PROX1: variants seen among roughly 807,000 people sequenced by gnomAD.
PROX1 encodes the protein prospero homeobox protein 1.
PROX1 carries 7 observed loss-of-function variants against 58.8 expected under a neutral mutation model. That is an observed-to-expected ratio of 0.12 (90% confidence interval 0.07 to 0.22). The LOEUF is 0.22. Among genes scored for constraint, PROX1 ranks in the 10% least tolerant of loss-of-function variants. The pLI is 1.00. For missense variants in PROX1, 675 were observed against 927.8 expected (o/e 0.73, Z 3.54); for synonymous variants, 350 against 358.3 (o/e 0.98, Z 0.26).
At chr1:214,027,897 C>T (rs1664514526) in intron 4 of PROX1, among the ~76,000 whole-genome samples, 1 of 151,158 alleles carries the variant, frequency 6.6e-6, no homozygotes, top group East Asian at 1.9e-4. Flanking sequence ...ACTGTTATTG[C>T]CATGTGTTCC....
At chr1:214,017,968 C>A (rs1664153268) in intron 4 of PROX1, among the ~76,000 whole-genome samples, 1 of 152,216 alleles carries the variant, frequency 6.6e-6, no homozygotes, top group South Asian at 2.1e-4. Flanking sequence ...AGAGCAAGTT[C>A]TCTTCTGAGA....
In PROX1 at chr1:214,035,932, T is replaced by C; in HGVS notation, c.*98T>C. The C allele has an allele frequency of 1.0e-6, 1 of 1,003,496 alleles. No homozygotes were observed. Among genetic ancestry groups the C allele is most frequent in the Non-Finnish European group, 1.4e-6 (1 of 716,002 alleles). The allele number at this position is 1,003,496 out of a possible 1,614,324, so 62.2% of individuals were successfully genotyped here. A position where few individuals can be genotyped will look rare whatever the true frequency, so the allele number is the denominator to read the frequency against. ...GATTTTGATTTCATATATATGTGTA[T>C]GGGAGGCATGGATATGTTATGAAAT... On this transcript the variant is annotated 3_prime_UTR_variant, in exon 5 of 5. Coordinates refer to ENST00000366958, the MANE Select transcript of PROX1 (RefSeq NM_001270616.2).
At chr1:214,009,107 C>A (rs1663819699) in intron 3 of PROX1, among the ~76,000 whole-genome samples, 1 of 152,190 alleles carries the variant, frequency 6.6e-6, no homozygotes, top group Non-Finnish European at 1.5e-5. Context: ...AATGATGTAT[C>A]TCATTCCCTC....
chr1:214,010,866 G>A (rs892956230), intron 3 of PROX1, among the ~76,000 whole-genome samples: 14 of 152,144 alleles, frequency 9.2e-5, no homozygotes, highest in Non-Finnish European at 1.8e-4. Flanking sequence ...CTTATCCAAT[G>A]CTGGCTTCAG....
upstream of PROX1, chr1:213,984,490 G>C (rs1368011090): frequency 6.6e-6 from 1 of 152,306 alleles, no homozygotes; most frequent in Non-Finnish European, 1.5e-5. Flanking sequence ...AGGCTTCTAA[G>C]CAGTGGGGTT....
rs1215708185 is a variant in PROX1, at chr1:214,040,365, C to A, written c.*4531C>A. On this transcript the variant is annotated 3_prime_UTR_variant, in exon 5 of 5. Transcript: ENST00000366958. ...AGCCTTCTCTCAAATCTGACACCCC[C>A]TCAGAATGCACAAACATAAGCAGAA... is the stretch of plus-strand genomic sequence containing the variant. 1 of 152,182 alleles carries A rather than the reference C, an allele frequency of 6.6e-6. No homozygotes were observed. Among genetic ancestry groups the A allele is most frequent in the Non-Finnish European group, 1.5e-5 (1 of 68,022 alleles). The allele number at this position is 152,182 out of a possible 1,614,324, so 9.4% of individuals were successfully genotyped here. A position where few individuals can be genotyped will look rare whatever the true frequency, so the allele number is the denominator to read the frequency against.
Position 214,035,928 on chromosome 1 carries a change from T to C in PROX1, c.*94T>C. The C allele has an allele frequency of 9.5e-7, 1 of 1,056,162 alleles. No homozygotes were observed. The highest frequency in any genetic ancestry group is 1.3e-6 in the Non-Finnish European group (1 of 757,692). The allele number at this position is 1,056,162 out of a possible 1,614,324, so 65.4% of individuals were successfully genotyped here. ...TCTAGATTTTGATTTCATATATATG[T>C]GTATGGGAGGCATGGATATGTTATG... On this transcript the variant is annotated 3_prime_UTR_variant, in exon 5 of 5. Coordinates refer to ENST00000366958, the MANE Select transcript of PROX1 (RefSeq NM_001270616.2).
chr1:214,031,066 TGC>T lies in PROX1; in HGVS notation c.2029-4572_2029-4571del, dbSNP rs1227672820. Among the ~76,000 whole-genome samples, 56 of 95,134 alleles carry T rather than the reference TGC, an allele frequency of 5.9e-4. No individual in the cohort carries two copies. The South Asian group carries it at 6.4e-3, about 11-fold the overall frequency. The allele number at this position is 95,134 out of a possible 152,430, so 62.4% of individuals were successfully genotyped here. On this transcript the variant is annotated intron_variant, in intron 4 of 4. Coordinates refer to ENST00000366958, the MANE Select transcript of PROX1 (RefSeq NM_001270616.2). ...GTGTGTGTGTGTGTGTGTGTGTGTG[TGC>T]GCGCGCGCGCATTCGCGCACGCACA...
upstream of PROX1, chr1:213,987,391 AT>A (rs1662849152): frequency 1.3e-5 from 2 of 151,354 alleles, no homozygotes; most frequent in Non-Finnish European, 2.9e-5. Flanking sequence ...AAGTGGAATG[AT>A]TTGCAGATCC....
At chr1:214,035,584 C>T in intron 4 of PROX1, 65 bp from the exon 5 acceptor site, 1 of 1,479,012 alleles carries the variant, frequency 6.8e-7, no homozygotes, top group East Asian at 2.3e-5. Flanking sequence ...GCTCAGTTTC[C>T]TTGGAATAAC....
chr1:213,997,651 G>C lies in PROX1; in HGVS notation c.1116G>C (p.Ser372=). ...TGGACACTGTGGTCAAAGTCTTTTC[G>C]GCCAAGCCCTCCCGCCAGGTTCCTC... is the stretch of plus-strand genomic sequence containing the variant. ...QVVDTVVKVF[S]AKPSRQVPQV... The change falls in exon 2 of 5, where the codon TCG becomes TCC. Residue 372 remains serine (S), a synonymous_variant. Transcript: ENST00000366958. This position sits in a 1 kb window ranked among gnomAD's most constrained non-coding sequence, Gnocchi z 7.1. 1.9e-6 allele frequency: 3 copies of C among 1,614,102 alleles called. No individual in the cohort carries two copies. Among genetic ancestry groups the C allele is most frequent in the Non-Finnish European group, 2.5e-6 (3 of 1,180,018 alleles).
rs1479778214 is a variant in PROX1, at chr1:214,039,755, CATTT to C, written c.*3923_*3926del. 1 of 151,934 alleles carries C rather than the reference CATTT, an allele frequency of 6.6e-6. No individual in the cohort carries two copies. The highest frequency in any genetic ancestry group is 1.9e-4 in the East Asian group (1 of 5,196). The allele number at this position is 151,934 out of a possible 1,614,324, so 9.4% of individuals were successfully genotyped here. Reference sequence around the variant, plus strand: ...ATTTCTTTTTCTATGTACATGAAGACATTTAGTAAGTAACACCCCCCCTTCCCAT... The same window carrying C: ...ATTTCTTTTTCTATGTACATGAAGACAGTAAGTAACACCCCCCCTTCCCAT... On this transcript the variant is annotated 3_prime_UTR_variant, in exon 5 of 5. Coordinates refer to ENST00000366958, the MANE Select transcript of PROX1 (RefSeq NM_001270616.2).
Position 213,997,127 on chromosome 1 carries a change from G to A in PROX1, c.592G>A (p.Val198Met). The change falls in exon 2 of 5, where the codon GTG (valine) becomes ATG (methionine). Residue 198 changes from valine to methionine, a missense_variant. Physicochemically the swap from Val to Met is conservative, Grantham distance 21 (BLOSUM62 1). This residue lies in a region of PROX1 where 403 missense variants were observed against 477.4 expected (regional missense o/e 0.84). Transcript: ENST00000366958. This position sits in a 1 kb window ranked among gnomAD's most constrained non-coding sequence, Gnocchi z 7.1. ...TGAAAGAGAGATGGCCCCGCAGTCTGTGAGTCCCCGAGAAAGTTACAGAGA... is the reference window on the plus strand; with the variant it reads ...TGAAAGAGAGATGGCCCCGCAGTCTATGAGTCCCCGAGAAAGTTACAGAGA... ...ENEREMAPQSVSPRESYRENK... is the reference protein window; with the variant it reads ...ENEREMAPQSMSPRESYRENK... The A allele has an allele frequency of 1.2e-6, 2 of 1,613,630 alleles. No individual in the cohort carries two copies. The highest frequency in any genetic ancestry group is 8.5e-7 in the Non-Finnish European group (1 of 1,179,868).
rs369633751 is a variant in PROX1, at chr1:213,997,873, C to T, written c.1338C>T (p.Asn446=). ...TEALPLVVRK[N]SSDQSASGPA... is the part of the protein sequence containing the mutation. ...CACTGCCCCTGGTTGTCCGCAAAAA[C>T]TCCTCTGACCAGTCTGCCTCCGGCC... The change falls in exon 2 of 5, where the codon AAC becomes AAT. Residue 446 remains asparagine, a synonymous_variant. Transcript: ENST00000366958. This position sits in a 1 kb window ranked among gnomAD's most constrained non-coding sequence, Gnocchi z 7.1. 75 of 1,612,654 alleles carry T rather than the reference C, an allele frequency of 4.7e-5. No individual in the cohort carries two copies. The East Asian group carries it at 1.2e-3, about 26-fold the overall frequency.
intron 4 of PROX1, among the ~76,000 whole-genome samples, chr1:214,031,722 A>G (rs908844458): frequency 6.6e-6 from 1 of 152,198 alleles, no homozygotes; most frequent in African/African-American, 2.4e-5. Context: ...CATCATTCTG[A>G]TAAGACTGGT....
intron 1 of PROX1, among the ~76,000 whole-genome samples, chr1:213,994,736 T>C (rs548819801): frequency 1.6e-5 from 2 of 127,814 alleles, no homozygotes; most frequent in Non-Finnish European, 3.2e-5. Flanking sequence ...AAGTATTTCA[T>C]TCTCAAGCAT....
At position 213,997,949 on chromosome 1, in the gene PROX1, A is replaced by ACGT. The variant is rs1189627892; in HGVS notation, c.1415_1416insGTC (p.Thr472_Thr473insSer). The ACGT allele has an allele frequency of 1.2e-5, 19 of 1,613,844 alleles. No individual in the cohort carries two copies. Among genetic ancestry groups the ACGT allele is most frequent in the Non-Finnish European group, 1.6e-5 (19 of 1,179,926 alleles). ...CCTGCACCAGTCGCCTCTCTCTGCCACCACGGGCTTCACCACGTCCACCTT... is the reference window on the plus strand; with the variant it reads ...CCTGCACCAGTCGCCTCTCTCTGCCACGTCCACGGGCTTCACCACGTCCACCTT... On this transcript the variant is annotated inframe_insertion, in exon 2 of 5. Transcript: ENST00000366958. This position sits in a 1 kb window ranked among gnomAD's most constrained non-coding sequence, Gnocchi z 7.1.
intron 3 of PROX1, among the ~76,000 whole-genome samples, chr1:214,010,960 G>T (rs1158181891): frequency 6.6e-6 from 1 of 152,078 alleles, no homozygotes; most frequent in Non-Finnish European, 1.5e-5. Context: ...AATCACAGTT[G>T]GATGGACATG....
intron 4 of PROX1, among the ~76,000 whole-genome samples, chr1:214,018,876 C>A (rs1201347920): frequency 6.6e-6 from 1 of 152,110 alleles, no homozygotes; most frequent in Non-Finnish European, 1.5e-5. Flanking sequence ...GTTGACACAA[C>A]TAATATAGTC....
Sources: allele counts gnomAD v4.1 joint callset (sites outside exome capture counted in the v4.1 genomes callset), GRCh38; gene constraint gnomAD v4.1.1; regional missense constraint gnomAD v4.1.1; non-coding constraint Gnocchi (gnomAD v3.1); transcripts MANE v1.5; gene names NCBI Gene and HGNC (gene_info 2026-07-23, HGNC 2026-07-21).